Variants in SHANK2 observed in about 807,000 individuals in gnomAD.
SHANK2 encodes the protein SH3 and multiple ankyrin repeat domains protein 2.
In SHANK2, 43 loss-of-function variants were observed where a neutral mutation model predicts 133.7. The observed-to-expected ratio is 0.32, with a 90% confidence interval of 0.25 to 0.41. The LOEUF (loss-of-function observed/expected upper bound fraction) is 0.41. Among genes scored for constraint, SHANK2 ranks in the 10% least tolerant of loss-of-function variants. The probability of loss-of-function intolerance (pLI) is 1.00; values close to 1 mark genes in which losing one functional copy is unlikely to be tolerated. For missense variants in SHANK2, 1,994 were observed against 2,235.8 expected (o/e 0.89, Z 2.18); for synonymous variants, 1,017 against 952.8 (o/e 1.07, Z -1.24).
intron 17 of SHANK2, among the ~76,000 whole-genome samples, chr11:70,513,615 A>G (rs1554969585): frequency 6.6e-6 from 1 of 152,264 alleles, no homozygotes; most frequent in African/African-American, 2.4e-5. Context: ...AAGGACTTTA[A>G]AAAACAGCTA....
intron 14 of SHANK2, among the ~76,000 whole-genome samples, chr11:70,703,984 C>G (rs868982148): frequency 6.6e-6 from 1 of 152,208 alleles, no homozygotes; most frequent in Non-Finnish European, 1.5e-5. Context: ...CAGTGAGTGA[C>G]GGGCTCAGGG....
intron 14 of SHANK2, among the ~76,000 whole-genome samples, chr11:70,749,760 C>T (rs1033961050): frequency 2.6e-5 from 4 of 151,354 alleles, no homozygotes; most frequent in African/African-American, 9.7e-5. Flanking sequence ...GTGACGAAGA[C>T]AAGACTCAGG....
chr11:70,808,561 CAAA>C (rs57089863), intron 12 of SHANK2, among the ~76,000 whole-genome samples: 161 of 93,122 alleles, frequency 1.7e-3, no homozygotes, highest in Middle Eastern at 0.014. Flanking sequence ...CCTATTTCTA[CAAA>C]AAAAAAAAAA....
At chr11:70,551,975 T>G (rs2059776290) in intron 17 of SHANK2, among the ~76,000 whole-genome samples, 1 of 152,098 alleles carries the variant, frequency 6.6e-6, no homozygotes, top group Non-Finnish European at 1.5e-5. Flanking sequence ...GGGGAGCCCG[T>G]GGGGGTGTGA....
At position 70,611,254 on chromosome 11, in the gene SHANK2, G is replaced by A. The variant is rs7102680; in HGVS notation, c.2061+48574C>T. Among the ~76,000 whole-genome samples the A allele has an allele frequency of 8.4e-3, 1,277 of 152,344 alleles. 19 individuals are homozygous for A. The highest frequency in any genetic ancestry group is 0.029 in the African/African-American group (1,195 of 41,578). Reference sequence around the variant, plus strand: ...GGCTGGTTGGCAGAAGCTCACAAAGGGGAGTTTATCAGTGTTGCAAAGGGC... The same window carrying A: ...GGCTGGTTGGCAGAAGCTCACAAAGAGGAGTTTATCAGTGTTGCAAAGGGC... On this transcript the variant is annotated intron_variant, in intron 17 of 25. Coordinates refer to ENST00000601538, the MANE Select transcript of SHANK2 (RefSeq NM_012309.5).
intron 6 of SHANK2, among the ~76,000 whole-genome samples, chr11:71,097,085 C>G (rs369954509): frequency 6.6e-6 from 1 of 152,202 alleles, no homozygotes; most frequent in East Asian, 1.9e-4. Flanking sequence ...CCTTGGGTGG[C>G]TTCCAGGGCC....
chr11:71,211,259 C>T (rs1954274119), intron 2 of SHANK2, among the ~76,000 whole-genome samples: 1 of 143,060 alleles, frequency 7.0e-6, no homozygotes, highest in Admixed American at 7.3e-5. Context: ...ATCGAATTCA[C>T]TCATTTAAAG....
At position 70,935,873 on chromosome 11, in the gene SHANK2, C is replaced by T. The variant is rs11604375; in HGVS notation, c.1108-39306G>A. Among the ~76,000 whole-genome samples, 80 of 152,232 alleles carry T rather than the reference C, an allele frequency of 5.3e-4. 2 individuals carry two copies. The highest frequency in any genetic ancestry group is 1.8e-3 in the African/African-American group (76 of 41,560). ...GTGAGCGGGCCTCTTACACCGCCCC[C>T]GCAAAGGTGAACCATTCCAGGTTAA... On this transcript the variant is annotated intron_variant, in intron 10 of 25. Coordinates refer to ENST00000601538, the MANE Select transcript of SHANK2 (RefSeq NM_012309.5).
At chr11:70,908,458 A>G (rs1950141500) in intron 10 of SHANK2, among the ~76,000 whole-genome samples, 1 of 152,216 alleles carries the variant, frequency 6.6e-6, no homozygotes, top group Non-Finnish European at 1.5e-5. Flanking sequence ...CCGCCTGTGC[A>G]TGGGAGTGGC....
intron 10 of SHANK2, among the ~76,000 whole-genome samples, chr11:70,909,610 T>C (rs1376580988): frequency 1.3e-5 from 2 of 152,154 alleles, no homozygotes; most frequent in East Asian, 1.9e-4. Context: ...TGAGATTTCT[T>C]CATTGCATAA....
At chr11:70,742,169 C>T (rs1394353352) in intron 14 of SHANK2, among the ~76,000 whole-genome samples, 1 of 152,186 alleles carries the variant, frequency 6.6e-6, no homozygotes, top group African/African-American at 2.4e-5. Flanking sequence ...AGCCCACATC[C>T]CCTGTGGCCT....
chr11:70,571,519 C>A lies in SHANK2; in HGVS notation c.2062-68588G>T, dbSNP rs544557438. Among the ~76,000 whole-genome samples the A allele has an allele frequency of 1.2e-4, 18 of 152,332 alleles. No individual in the cohort carries two copies. The South Asian group carries it at 3.5e-3, about 30-fold the overall frequency. ...AGTATAAAAGTCTAGATGCTACCCCCACCATGTGCCCCACCCCAGCAATAG... is the reference window on the plus strand; with the variant it reads ...AGTATAAAAGTCTAGATGCTACCCCAACCATGTGCCCCACCCCAGCAATAG... On this transcript the variant is annotated intron_variant, in intron 17 of 25. Transcript: ENST00000601538.
At chr11:70,571,825 G>A (rs1554983147) in intron 17 of SHANK2, among the ~76,000 whole-genome samples, 1 of 152,080 alleles carries the variant, frequency 6.6e-6, no homozygotes, top group African/African-American at 2.4e-5. Flanking sequence ...GTGGAGACGA[G>A]GGGAGAGGGA....
intron 10 of SHANK2, among the ~76,000 whole-genome samples, chr11:70,909,640 G>C (rs1344311794): frequency 6.6e-6 from 1 of 152,088 alleles, no homozygotes; most frequent in African/African-American, 2.4e-5. Context: ...CTGTCCATTC[G>C]ATTCCAAAGC....
chr11:71,153,299 C>CG (rs1235448738), intron 2 of SHANK2, among the ~76,000 whole-genome samples: 1 of 107,160 alleles, frequency 9.3e-6, no homozygotes, highest in East Asian at 2.5e-4. Context: ...GGGTCGGGGG[C>CG]GGGGGAGAGG....
At chr11:70,881,201 C>A (rs1343158341) in intron 11 of SHANK2, among the ~76,000 whole-genome samples, 6 of 152,110 alleles carry the variant, frequency 3.9e-5, no homozygotes, top group Non-Finnish European at 7.3e-5. Context: ...CCACGCTTGG[C>A]TAATTATTTT....
Position 70,502,407 on chromosome 11 carries a change from G to A in SHANK2, c.2198-121C>T, listed in dbSNP as rs199693992. ...TCAGGCTGTTTGGCTGCGGTGGTCA[G>A]GGATTGTGCAGGTGTGCTTATGATG... is the stretch of plus-strand genomic sequence containing the variant. On this transcript the variant is annotated intron_variant, in intron 18 of 25. Coordinates refer to ENST00000601538, the MANE Select transcript of SHANK2 (RefSeq NM_012309.5). 195 of 899,220 alleles carry A rather than the reference G, an allele frequency of 2.2e-4. 1 individual carries two copies. The East Asian group carries it at 4.3e-3, about 20-fold the overall frequency. 55.7% of individuals were successfully genotyped at this position (899,220 alleles called of 1,614,324 possible). A position where few individuals can be genotyped will look rare whatever the true frequency, so the allele number is the denominator to read the frequency against.
chr11:70,644,260 G>A (rs1055482121), intron 17 of SHANK2, among the ~76,000 whole-genome samples: 10 of 152,046 alleles, frequency 6.6e-5, no homozygotes, highest in African/African-American at 1.7e-4. Flanking sequence ...CATCACCAGC[G>A]TGCATCTCCA....
At chr11:70,558,262 T>G (rs1205608904) in intron 17 of SHANK2, among the ~76,000 whole-genome samples, 9 of 152,226 alleles carry the variant, frequency 5.9e-5, no homozygotes, top group Admixed American at 5.9e-4. Flanking sequence ...GCCATGGGCT[T>G]GTGGGCTTGA....
Sources: allele counts gnomAD v4.1 joint callset (sites outside exome capture counted in the v4.1 genomes callset), GRCh38; gene constraint gnomAD v4.1.1; transcripts MANE v1.5; gene names NCBI Gene and HGNC (gene_info 2026-07-23, HGNC 2026-07-21).